The following MSH4 variants were observed in gnomAD, a reference collection of about 807,000 sequenced individuals.
The protein encoded by MSH4 is mutS protein homolog 4.
In MSH4, 106 loss-of-function variants were observed where a neutral mutation model predicts 113.7. The ratio of observed to expected loss-of-function variants is 0.93; its 90% confidence interval spans 0.80 to 1.10. MSH4 has a LOEUF of 1.10. Among genes scored for constraint, MSH4 ranks in the 50% least tolerant of loss-of-function variants. MSH4 has a pLI of 0.00. For missense variants in MSH4, 1,061 were observed against 1,093.7 expected, an observed-to-expected ratio of 0.97 and a Z score of 0.42; for synonymous variants, 368 against 380.2, an observed-to-expected ratio of 0.97 and a Z score of 0.37.
chr1:75,850,949 G>A (rs1651174281), intron 8 of MSH4, among the ~76,000 whole-genome samples: 2 of 151,996 alleles, frequency 1.3e-5, no homozygotes, highest in Admixed American at 6.6e-5. Flanking sequence ...TTTATCCCTA[G>A]TAGTATTTTT....
At chr1:75,805,583 C>T (rs1397194347) in intron 2 of MSH4, among the ~76,000 whole-genome samples, 4 of 150,360 alleles carry the variant, frequency 2.7e-5, no homozygotes, top group South Asian at 2.1e-4. Context: ...GATGGGGTTT[C>T]GCCATGTTGG....
At chr1:75,834,559 A>G (rs1161528851) in intron 7 of MSH4, among the ~76,000 whole-genome samples, 1 of 152,250 alleles carries the variant, frequency 6.6e-6, no homozygotes, top group African/African-American at 2.4e-5. Context: ...GACTGGATTA[A>G]GAAAATGTAG....
intron 7 of MSH4, among the ~76,000 whole-genome samples, chr1:75,841,477 C>T (rs1650958928): frequency 6.6e-6 from 1 of 152,078 alleles, no homozygotes; most frequent in African/African-American, 2.4e-5. Context: ...GGATTGCAGG[C>T]ACAAGTCACT....
chr1:75,871,917 A>G (rs1322665294), intron 9 of MSH4, among the ~76,000 whole-genome samples: 2 of 152,226 alleles, frequency 1.3e-5, no homozygotes, highest in Non-Finnish European at 2.9e-5. Context: ...TTTTGCCTTG[A>G]AAAGTTTTTT....
intron 7 of MSH4, among the ~76,000 whole-genome samples, chr1:75,841,132 G>C (rs1024838601): frequency 3.3e-5 from 5 of 151,652 alleles, no homozygotes; most frequent in Non-Finnish European, 5.9e-5. Context: ...CACGCCATTG[G>C]CTATGATCTT....
In MSH4 at chr1:75,796,951, C is replaced by T. The variant is rs759111749; in HGVS notation, c.-35C>T. ...GGCTACTGGAGGGGTCGCTCAGAAACCTCATACTTCTCGGGTCAGGGAAGG... is the reference window on the plus strand; with the variant it reads ...GGCTACTGGAGGGGTCGCTCAGAAATCTCATACTTCTCGGGTCAGGGAAGG... On this transcript the variant is annotated 5_prime_UTR_variant, in exon 1 of 20. Coordinates refer to ENST00000263187, the MANE Select transcript of MSH4 (RefSeq NM_002440.4). 4.3e-6 allele frequency: 7 copies of T among 1,612,206 alleles called. No individual in the cohort carries two copies. Among genetic ancestry groups the T allele is most frequent in the Admixed American group, 1.7e-5 (1 of 59,938 alleles).
At position 75,797,015 on chromosome 1, in the gene MSH4, G is replaced by A. The variant is rs369331894; in HGVS notation, c.30G>A (p.Ser10=). Residue 10 remains serine (S), a synonymous_variant, in exon 1 of 20, where the codon TCG becomes TCA. Transcript: ENST00000263187. Reference sequence around the variant, plus strand: ...TGAGGCCTGAGATCTCATCAACCTCGCCTTCTGCCCCGGCGGTTTCCCCGT... The same window carrying A: ...TGAGGCCTGAGATCTCATCAACCTCACCTTCTGCCCCGGCGGTTTCCCCGT... The part of the protein sequence containing the change: MLRPEISST[S]PSAPAVSPSS... The A allele has an allele frequency of 3.7e-6, 6 of 1,613,960 alleles. No homozygotes were observed. Among genetic ancestry groups the A allele is most frequent in the Non-Finnish European group, 5.1e-6 (6 of 1,180,030 alleles).
intron 7 of MSH4, among the ~76,000 whole-genome samples, chr1:75,837,336 T>G (rs1650852537): frequency 6.6e-6 from 1 of 152,112 alleles, no homozygotes; most frequent in African/African-American, 2.4e-5. Flanking sequence ...ATAAGAGCAT[T>G]TGTTAGGTGT....
At chr1:75,846,417 G>A (rs568296018) in intron 7 of MSH4, among the ~76,000 whole-genome samples, 1 of 152,266 alleles carries the variant, frequency 6.6e-6, no homozygotes, top group South Asian at 2.1e-4. Flanking sequence ...GTAAGTGACT[G>A]AAAGAAGCTA....
chr1:75,854,578 G>T (rs1565718), intron 8 of MSH4, among the ~76,000 whole-genome samples: 1 of 152,090 alleles, frequency 6.6e-6, no homozygotes. Flanking sequence ...TATACCACCC[G>T]TCCGTCCTCT....
intron 8 of MSH4, among the ~76,000 whole-genome samples, chr1:75,861,995 G>A (rs1651466158): frequency 6.6e-6 from 1 of 152,008 alleles, no homozygotes; most frequent in Non-Finnish European, 1.5e-5. Flanking sequence ...CTCAGCAATG[G>A]CGGACGCCCC....
chr1:75,884,752 T>G (rs907820399), intron 15 of MSH4, among the ~76,000 whole-genome samples: 4 of 151,854 alleles, frequency 2.6e-5, no homozygotes, highest in Non-Finnish European at 5.9e-5. Flanking sequence ...ATAATAATAT[T>G]GGTGATACAG....
At chr1:75,837,412 G>A (rs577253203) in intron 7 of MSH4, among the ~76,000 whole-genome samples, 25 of 131,010 alleles carry the variant, frequency 1.9e-4, no homozygotes, top group African/African-American at 7.1e-4. Context: ...TTTTTGAGAC[G>A]GAGTCTTGCT....
rs767764402 is a variant in MSH4 at position 75,878,160 on chromosome 1, T to C, written c.1382T>C (p.Ile461Thr). Residue 461 changes from isoleucine (I) to threonine (T), a missense_variant, in exon 11 of 20, where the codon ATA becomes ACA. Coordinates refer to ENST00000263187, the MANE Select transcript of MSH4 (RefSeq NM_002440.4). Reference sequence around the variant, plus strand: ...GGCCTTAATATTAGGTTTGGAATCATACTTGAAAAGATTAAAACAGTAATT... The same window carrying C: ...GGCCTTAATATTAGGTTTGGAATCACACTTGAAAAGATTAAAACAGTAATT... ...GSLEDKRFGI[I>T]LEKIKTVIND... 1.3e-6 allele frequency: 2 copies of C among 1,594,712 alleles called. No individual in the cohort carries two copies. The highest frequency in any genetic ancestry group is 1.7e-6 in the Non-Finnish European group (2 of 1,171,906).
chr1:75,881,213 CATT>C, intron 13 of MSH4, 30 bp from the exon 14 acceptor site: 3 of 1,484,902 alleles, frequency 2.0e-6, no homozygotes, highest in Middle Eastern at 1.8e-4. Context: ...TTTGAAAAAA[CATT>C]ATTACATGTC....
chr1:75,878,003 G>A, intron 10 of MSH4, 146 bp from the exon 11 acceptor site: 1 of 617,716 alleles, frequency 1.6e-6, no homozygotes. Context: ...TCTAACTTAA[G>A]TAAATTTAAA....
intron 7 of MSH4, among the ~76,000 whole-genome samples, chr1:75,846,346 C>A (rs1172239479): frequency 6.6e-6 from 1 of 152,184 alleles, no homozygotes; most frequent in African/African-American, 2.4e-5. Flanking sequence ...TTTGTTTATT[C>A]TGCTTCTTTT....
rs189154299 is a variant in MSH4 at position 75,888,635 on chromosome 1, C to T, written c.2108-616C>T. On this transcript the variant is annotated intron_variant, in intron 15 of 19. Coordinates refer to ENST00000263187, the MANE Select transcript of MSH4 (RefSeq NM_002440.4). Reference sequence around the variant, plus strand: ...TTTTTTTAATTTATTTTATTTTTGACATAATAATTGCACGCATTTAAGAGA... The same window carrying T: ...TTTTTTTAATTTATTTTATTTTTGATATAATAATTGCACGCATTTAAGAGA... Among the ~76,000 whole-genome samples the T allele has an allele frequency of 1.6e-3, 249 of 151,306 alleles. 1 individual carries two copies. The highest frequency in any genetic ancestry group is 0.014 in the South Asian group (68 of 4,820).
rs557871537 is a variant in MSH4 at position 75,890,922 on chromosome 1, C to T, written c.2355+98C>T. 17 of 1,105,110 alleles carry T rather than the reference C, an allele frequency of 1.5e-5. No homozygotes were observed. In the African/African-American group the frequency reaches 2.6e-4, roughly 17 times the overall value. 68.5% of individuals were successfully genotyped at this position (1,105,110 alleles called of 1,614,324 possible). On this transcript the variant is annotated intron_variant, in intron 17 of 19. Transcript: ENST00000263187. ...GGACACCCACAAATAGCTTTTAAAA[C>T]AATTTAGATAGTAAACACATATCAT...
Sources: allele counts gnomAD v4.1 joint callset (sites outside exome capture counted in the v4.1 genomes callset), GRCh38; gene constraint gnomAD v4.1.1; transcripts MANE v1.5; gene names NCBI Gene and HGNC (gene_info 2026-07-23, HGNC 2026-07-21).